Variants in TUT4 observed in about 807,000 individuals in gnomAD.
TUT4 encodes terminal uridylyltransferase 4.
In TUT4, 36 loss-of-function variants were observed where a neutral mutation model predicts 192.2. The ratio of observed to expected loss-of-function variants is 0.19; its 90% CI spans 0.14 to 0.25. TUT4 has a LOEUF of 0.25. Among genes scored for constraint, TUT4 ranks in the 10% least tolerant of loss-of-function variants. The probability of loss-of-function intolerance (pLI) is 1.00; values close to 1 mark genes in which losing one functional copy is unlikely to be tolerated. For missense variants in TUT4, 1,493 were observed against 1,957.2 expected, an observed-to-expected ratio of 0.76 and a Z score of 4.47; for synonymous variants, 618 against 666.0, an observed-to-expected ratio of 0.93 and a Z score of 1.11.
At position 52,490,787 on chromosome 1, in the gene TUT4, C is replaced by T; in HGVS notation, c.1333G>A (p.Val445Met). The change falls in exon 8 of 30, where the codon GTG (valine) becomes ATG (methionine). Residue 445 changes from valine to methionine, a missense_variant. Val to Met is a conservative substitution (Grantham distance 21, BLOSUM62 1). Transcript: ENST00000257177. ...ACTTTAGCGTGAAAATCAGATTCCA[C>T]ATCTACATATAATACTAATAAGGAA... Reference protein sequence around the residue: ...ILKKNVLYVDVESDFHAKVPV... With the variant: ...ILKKNVLYVDMESDFHAKVPV... The T allele has an allele frequency of 6.2e-7, 1 of 1,611,532 alleles. No individual in the cohort carries two copies. The highest frequency in any genetic ancestry group is 8.5e-7 in the Non-Finnish European group (1 of 1,178,872).
intron 3 of TUT4, among the ~76,000 whole-genome samples, chr1:52,514,459 A>G (rs574574545): frequency 6.6e-6 from 1 of 152,240 alleles, no homozygotes; most frequent in East Asian, 1.9e-4. Flanking sequence ...AAACAAAACA[A>G]AAAGTATAAG....
intron 16 of TUT4, 97 bp downstream of exon 16, chr1:52,464,973 G>T: frequency 1.1e-6 from 1 of 908,012 alleles, no homozygotes. Flanking sequence ...TATACAAAGA[G>T]TGATACCACA....
intron 16 of TUT4, among the ~76,000 whole-genome samples, chr1:52,464,256 T>A (rs995932226): frequency 6.7e-6 from 1 of 150,048 alleles, no homozygotes; most frequent in African/African-American, 2.5e-5. Context: ...TATTTATTTA[T>A]TTTTTTTTTA....
chr1:52,429,372 A>G (rs1166226482), intron 28 of TUT4, among the ~76,000 whole-genome samples: 4 of 151,720 alleles, frequency 2.6e-5, no homozygotes, highest in African/African-American at 9.7e-5. Context: ...TAAGATAAAA[A>G]TAATTATCAC....
At chr1:52,458,254 T>C (rs1276029285) in intron 20 of TUT4, 82 bp downstream of exon 20, 2 of 904,444 alleles carry the variant, frequency 2.2e-6, no homozygotes, top group Middle Eastern at 2.5e-4. Context: ...TCCTTCATGA[T>C]GACATGAACC....
chr1:52,463,948 T>TA (rs1304610817), intron 16 of TUT4, among the ~76,000 whole-genome samples: 7 of 152,074 alleles, frequency 4.6e-5, no homozygotes, highest in African/African-American at 2.4e-5. Flanking sequence ...CATTATGGGT[T>TA]AAAAAAATTA....
At position 52,525,560 on chromosome 1, in the gene TUT4, T is replaced by C. The variant is rs760593239; in HGVS notation, c.718+3A>G. On this transcript the variant is annotated splice_donor_region_variant and intron_variant, in intron 2 of 29. Coordinates refer to ENST00000257177, the MANE Select transcript of TUT4 (RefSeq NM_001009881.3). ...ACAAAAATCCCTCCAAAAAATGACT[T>C]ACTTAAATCGTCCGATACGTCTTCA... The C allele has an allele frequency of 1.1e-4, 170 of 1,594,384 alleles. No homozygotes were observed. Among genetic ancestry groups the C allele is most frequent in the Non-Finnish European group, 1.2e-4 (140 of 1,170,444 alleles).
At chr1:52,520,983 G>C (rs747282515) in intron 2 of TUT4, among the ~76,000 whole-genome samples, 1 of 152,012 alleles carries the variant, frequency 6.6e-6, no homozygotes, top group African/African-American at 2.4e-5. Flanking sequence ...TAGTAGAAAC[G>C]GGATTTCACC....
intron 1 of TUT4, among the ~76,000 whole-genome samples, chr1:52,528,444 T>C (rs1370250311): frequency 2.0e-5 from 3 of 151,298 alleles, no homozygotes; most frequent in Admixed American, 6.6e-5. Flanking sequence ...TGAGCCAAGA[T>C]TGCATTCCTG....
intron 20 of TUT4, among the ~76,000 whole-genome samples, chr1:52,451,150 C>A (rs1433664391): frequency 6.6e-6 from 1 of 151,772 alleles, no homozygotes; most frequent in East Asian, 1.9e-4. Context: ...CCTTTAGTCC[C>A]AGCTACTCGG....
intron 2 of TUT4, among the ~76,000 whole-genome samples, chr1:52,523,154 G>A (rs1022163371): frequency 1.3e-4 from 19 of 150,922 alleles, no homozygotes; most frequent in African/African-American, 4.4e-4. Flanking sequence ...CACCACACCC[G>A]GCTGATTTTT....
At position 52,435,451 on chromosome 1, in the gene TUT4, G is replaced by A. The variant is rs143272455; in HGVS notation, c.4177C>T (p.Arg1393Cys). ...ACCTGTTGAGCATTTACAAGGTTGC[G>A]GACCAGCTGGGCTGCTAAGAGAAGG... ...NSSVAAAQLV[R>C]NLVNAQQVAG... Residue 1393 changes from arginine (R) to cysteine (C), a missense_variant, in exon 27 of 30, where the codon CGC becomes TGC. Physicochemically the swap from Arg to Cys is radical, Grantham distance 180. This residue lies in a region of TUT4 where 351 missense variants were observed against 397.8 expected (regional missense o/e 0.88). Transcript: ENST00000257177. 1.8e-4 allele frequency: 288 copies of A among 1,613,904 alleles called. No individual in the cohort carries two copies. The highest frequency in any genetic ancestry group is 2.3e-4 in the Non-Finnish European group (266 of 1,179,944).
intron 1 of TUT4, among the ~76,000 whole-genome samples, chr1:52,541,074 T>G (rs568421917): frequency 3.7e-4 from 56 of 152,002 alleles, no homozygotes; most frequent in African/African-American, 1.3e-3. Flanking sequence ...GGCATGGTGG[T>G]GTACACCTGT....
intron 4 of TUT4, among the ~76,000 whole-genome samples, chr1:52,503,815 C>T (rs1197879243): frequency 6.6e-6 from 1 of 152,102 alleles, no homozygotes; most frequent in Non-Finnish European, 1.5e-5. Flanking sequence ...CTCTATTTTT[C>T]CTATTATTCT....
At chr1:52,424,081 T>C (rs1432099921) in intron 29 of TUT4, 79 bp from the exon 30 acceptor site, 1 of 1,411,792 alleles carries the variant, frequency 7.1e-7, no homozygotes, top group Non-Finnish European at 9.7e-7. Flanking sequence ...AACTTGTAGT[T>C]AGCTTTCTTT....
intron 4 of TUT4, among the ~76,000 whole-genome samples, chr1:52,506,600 T>C (rs1675644121): frequency 6.6e-6 from 1 of 152,228 alleles, no homozygotes; most frequent in Non-Finnish European, 1.5e-5. Context: ...CTATTATTCC[T>C]ACCCAATATA....
chr1:52,423,902 T>C lies in TUT4; in HGVS notation c.*33A>G. 6.2e-7 allele frequency: 1 copy of C among 1,607,714 alleles called. No homozygotes were observed. The highest frequency in any genetic ancestry group is 8.5e-7 in the Non-Finnish European group (1 of 1,177,092). The stretch of plus-strand genomic sequence containing the variant: ...AGCAGGATTGGCTGGTTGCTGTGCA[T>C]CGGTAGACCAGCTGAAAGAAAATGG... On this transcript the variant is annotated 3_prime_UTR_variant, in exon 30 of 30. Coordinates refer to ENST00000257177, the MANE Select transcript of TUT4 (RefSeq NM_001009881.3).
chr1:52,505,830 G>GT (rs199545493), intron 4 of TUT4, among the ~76,000 whole-genome samples: 1,863 of 151,270 alleles, frequency 0.012, 34 homozygotes, highest in African/African-American at 0.043. Flanking sequence ...AATGAGCGGG[G>GT]TTTTTTTTGT....
At chr1:52,512,405 G>A (rs1381069592) in intron 3 of TUT4, among the ~76,000 whole-genome samples, 1 of 152,144 alleles carries the variant, frequency 6.6e-6, no homozygotes, top group East Asian at 1.9e-4. Context: ...TTTTACTGAT[G>A]AGTAAACTGA....
Sources: allele counts gnomAD v4.1 joint callset (sites outside exome capture counted in the v4.1 genomes callset), GRCh38; gene constraint gnomAD v4.1.1; regional missense constraint gnomAD v4.1.1; transcripts MANE v1.5; gene names NCBI Gene and HGNC (gene_info 2026-07-23, HGNC 2026-07-21).